Variants in GALNT18 observed in about 807,000 individuals in gnomAD.
GALNT18 encodes GalNAc-transferase 18.
GALNT18 carries 44 observed loss-of-function variants against 69.5 expected under a neutral mutation model. The observed-to-expected ratio is 0.63, with a 90% CI of 0.50 to 0.81. The LOEUF is 0.81. GALNT18 is among the 40% of genes least tolerant of loss of function. The probability of loss-of-function intolerance (pLI) is 0.00; values close to 1 mark genes in which losing one functional copy is unlikely to be tolerated. For synonymous variants in GALNT18, 364 were observed against 318.2 expected, an observed-to-expected ratio of 1.14 and a Z score of -1.53; for missense variants, 715 against 810.0, an observed-to-expected ratio of 0.88 and a Z score of 1.42.
chr11:11,595,573 T>A lies in GALNT18; in HGVS notation c.235+25786A>T, dbSNP rs550721015. ...TCTCCACATCCTCACCAACACTCAT[T>A]ATCCTAGTGGGTGTGAAGCCATATC... is the stretch of plus-strand genomic sequence containing the variant. On this transcript the variant is annotated intron_variant, in intron 1 of 10. Coordinates refer to ENST00000227756, the MANE Select transcript of GALNT18 (RefSeq NM_198516.3). The surrounding 1 kb of genome is among the most constrained non-coding windows in gnomAD (Gnocchi z 5.2). Among the ~76,000 whole-genome samples, 10 of 152,348 alleles carry A rather than the reference T, an allele frequency of 6.6e-5. No homozygotes were observed. Among genetic ancestry groups the A allele is most frequent in the Admixed American group, 5.2e-4 (8 of 15,292 alleles).
chr11:11,450,526 A>T (rs1366792499), intron 1 of GALNT18, among the ~76,000 whole-genome samples: 3 of 152,230 alleles, frequency 2.0e-5, no homozygotes, highest in African/African-American at 7.2e-5. Context: ...GGGACTTAGC[A>T]AGCTCACGAT....
chr11:11,407,650 C>T (rs985987013), intron 3 of GALNT18, among the ~76,000 whole-genome samples: 2 of 152,196 alleles, frequency 1.3e-5, no homozygotes, highest in African/African-American at 4.8e-5. Context: ...ACCGTGTTAT[C>T]CCAGACAGTC....
chr11:11,284,098 GAGAC>G (rs1393734882), intron 10 of GALNT18, among the ~76,000 whole-genome samples: 2 of 152,192 alleles, frequency 1.3e-5, no homozygotes, highest in Non-Finnish European at 2.9e-5. Context: ...CTTGCAAAAG[GAGAC>G]AGAGCATGCT....
At chr11:11,475,439 G>A (rs1856369757) in intron 1 of GALNT18, 1 of 152,220 alleles carries the variant, frequency 6.6e-6, no homozygotes, top group Non-Finnish European at 1.5e-5. Flanking sequence ...ACAGCAGGGT[G>A]AGAAGCTTAA....
intron 6 of GALNT18, among the ~76,000 whole-genome samples, chr11:11,361,795 A>G (rs12287705): frequency 0.032 from 4,912 of 152,302 alleles, 115 homozygotes; most frequent in South Asian, 0.078. Flanking sequence ...AAATCCTGAC[A>G]TCACGTGTTT....
rs1014957588 is a variant in GALNT18, at chr11:11,459,859, C to T, written c.236-10923G>A. 2.6e-5 allele frequency among the ~76,000 whole-genome samples: 4 copies of T among 152,168 alleles called. No homozygotes were observed. The highest frequency in any genetic ancestry group is 2.6e-4 in the Admixed American group (4 of 15,280). On this transcript the variant is annotated intron_variant, in intron 1 of 10. Transcript: ENST00000227756. This position sits in a 1 kb window ranked among gnomAD's most constrained non-coding sequence, Gnocchi z 5.0. ...TTCTGAAAGTAAGAAGTCTGACAGG[C>T]ATCTCACCGGGCTAAAATCAAGGTG...
intron 1 of GALNT18, among the ~76,000 whole-genome samples, chr11:11,467,577 G>C (rs1238887142): frequency 1.3e-5 from 2 of 152,220 alleles, no homozygotes; most frequent in Non-Finnish European, 2.9e-5. Context: ...CAGCCCAGGA[G>C]ACACGCCCAC....
chr11:11,519,446 C>G (rs1857347865), intron 1 of GALNT18, among the ~76,000 whole-genome samples: 2 of 152,144 alleles, frequency 1.3e-5, no homozygotes, highest in African/African-American at 4.8e-5. Context: ...CCACGCCCAC[C>G]TGTGAGCCAG....
In GALNT18 at chr11:11,459,572, A is replaced by G. The variant is rs565837214; in HGVS notation, c.236-10636T>C. Among the ~76,000 whole-genome samples the G allele has an allele frequency of 6.6e-6, 1 of 152,162 alleles. No homozygotes were observed. Among genetic ancestry groups the G allele is most frequent in the Non-Finnish European group, 1.5e-5 (1 of 68,012 alleles). On this transcript the variant is annotated intron_variant, in intron 1 of 10. Coordinates refer to ENST00000227756, the MANE Select transcript of GALNT18 (RefSeq NM_198516.3). The surrounding 1 kb of genome is among the most constrained non-coding windows in gnomAD (Gnocchi z 5.0). Reference sequence around the variant, plus strand: ...AGGGGCTGAGCCCACCAGACTGAGGAGCTCTGGAGGCACCTCTGCCCTGGA... The same window carrying G: ...AGGGGCTGAGCCCACCAGACTGAGGGGCTCTGGAGGCACCTCTGCCCTGGA...
intron 1 of GALNT18, among the ~76,000 whole-genome samples, chr11:11,477,045 G>T (rs4910354): frequency 0.54 from 81,660 of 152,070 alleles, 24,263 homozygotes; most frequent in East Asian, 0.72. Flanking sequence ...CTTAGTGGGA[G>T]AGGCTTCAGT....
chr11:11,516,018 A>G (rs1857266999), intron 1 of GALNT18, among the ~76,000 whole-genome samples: 1 of 152,200 alleles, frequency 6.6e-6, no homozygotes, highest in Non-Finnish European at 1.5e-5. Flanking sequence ...AGCTGGGATA[A>G]ACAGCAGGGA....
intron 7 of GALNT18, among the ~76,000 whole-genome samples, chr11:11,335,826 G>A (rs1024482706): frequency 1.6e-4 from 25 of 152,144 alleles, no homozygotes; most frequent in Admixed American, 1.6e-3. Context: ...CCCCCTCAGG[G>A]CCACCAGAAG....
chr11:11,273,254 A>G (rs930765073), intron 10 of GALNT18, among the ~76,000 whole-genome samples: 4 of 65,604 alleles, frequency 6.1e-5, no homozygotes, highest in African/African-American at 1.5e-4. Flanking sequence ...CAATCAAAGT[A>G]AAGAGACAGC....
chr11:11,541,005 A>T lies in GALNT18; in HGVS notation c.235+80354T>A, dbSNP rs1857906404. Among the ~76,000 whole-genome samples the T allele has an allele frequency of 6.6e-6, 1 of 152,158 alleles. No individual in the cohort carries two copies. Among genetic ancestry groups the T allele is most frequent in the South Asian group, 2.1e-4 (1 of 4,812 alleles). On this transcript the variant is annotated intron_variant, in intron 1 of 10. Transcript: ENST00000227756. The surrounding 1 kb of genome is among the most constrained non-coding windows in gnomAD (Gnocchi z 4.8). ...TCTTTGATGGTGGATACTTCGGAAA[A>T]CAGAAATAGAATTACTTAAAGTGAT... is the stretch of plus-strand genomic sequence containing the variant.
Position 11,338,908 on chromosome 11 carries a change from T to C in GALNT18, c.1278+1911A>G, listed in dbSNP as rs1850156620. On this transcript the variant is annotated intron_variant, in intron 7 of 10. Coordinates refer to ENST00000227756, the MANE Select transcript of GALNT18 (RefSeq NM_198516.3). The surrounding 1 kb of genome is among the most constrained non-coding windows in gnomAD (Gnocchi z 5.3). ...GATAAGATTCCAGGGTGTGGAATCATGGACCCAAGGAGCTACAGAGATTCA... is the reference window on the plus strand; with the variant it reads ...GATAAGATTCCAGGGTGTGGAATCACGGACCCAAGGAGCTACAGAGATTCA... Among the ~76,000 whole-genome samples, 1 of 152,070 alleles carries C rather than the reference T, an allele frequency of 6.6e-6. No homozygotes were observed. Among genetic ancestry groups the C allele is most frequent in the Admixed American group, 6.6e-5 (1 of 15,266 alleles).
At chr11:11,282,485 G>A (rs1008583673) in intron 10 of GALNT18, among the ~76,000 whole-genome samples, 1 of 152,234 alleles carries the variant, frequency 6.6e-6, no homozygotes, top group Admixed American at 6.5e-5. Context: ...CAGAGAGGCT[G>A]GGAGACTTGT....
rs1326193385 is a variant in GALNT18 at position 11,605,489 on chromosome 11, G to A, written c.235+15870C>T. ...CACAGGTGGTGGAGTCCATTCTGAG[G>A]TTCTCACAGACCTCGGGGTGAACAG... is the stretch of plus-strand genomic sequence containing the variant. On this transcript the variant is annotated intron_variant, in intron 1 of 10. Coordinates refer to ENST00000227756, the MANE Select transcript of GALNT18 (RefSeq NM_198516.3). This position sits in a 1 kb window ranked among gnomAD's most constrained non-coding sequence, Gnocchi z 4.7. Among the ~76,000 whole-genome samples, 2 of 152,196 alleles carry A rather than the reference G, an allele frequency of 1.3e-5. No homozygotes were observed. Among genetic ancestry groups the A allele is most frequent in the Non-Finnish European group, 2.9e-5 (2 of 68,040 alleles).
rs2133918645 is a variant in GALNT18 at position 11,586,274 on chromosome 11, G to A, written c.235+35085C>T. Among the ~76,000 whole-genome samples, 1 of 152,106 alleles carries A rather than the reference G, an allele frequency of 6.6e-6. No homozygotes were observed. Among genetic ancestry groups the A allele is most frequent in the African/African-American group, 2.4e-5 (1 of 41,502 alleles). ...TACTTATGTTAATTTATGTAATTGG[G>A]TTTATTATTGCCATTGTTAAATAAA... is the stretch of plus-strand genomic sequence containing the variant. On this transcript the variant is annotated intron_variant, in intron 1 of 10. Coordinates refer to ENST00000227756, the MANE Select transcript of GALNT18 (RefSeq NM_198516.3). This position sits in a 1 kb window ranked among gnomAD's most constrained non-coding sequence, Gnocchi z 4.1.
intron 5 of GALNT18, among the ~76,000 whole-genome samples, chr11:11,374,787 G>A (rs1458639604): frequency 6.6e-6 from 1 of 152,242 alleles, no homozygotes; most frequent in Non-Finnish European, 1.5e-5. Context: ...ATAGATAAAT[G>A]TCTGGACAGA....
Sources: gnomAD v4.1 joint callset for allele counts (sites outside exome capture counted in the v4.1 genomes callset) on GRCh38, gnomAD v4.1.1 for gene constraint, Gnocchi (gnomAD v3.1) non-coding constraint, MANE v1.5 for transcripts, NCBI Gene and HGNC (gene_info 2026-07-23, HGNC 2026-07-21) for gene names.